PKLR: variants seen among roughly 807,000 people sequenced by gnomAD.
PKLR encodes pyruvate kinase PKLR.
A neutral mutation model predicts 53.6 loss-of-function variants in PKLR; 38 were observed. The observed-to-expected ratio is 0.71, with a 90% confidence interval of 0.55 to 0.93. The LOEUF is 0.93. PKLR is among the 40% of genes least tolerant of loss of function. The pLI, the probability that PKLR is intolerant of heterozygous loss-of-function variation, is 0.00. For synonymous variants in PKLR, 328 were observed against 316.2 expected, an observed-to-expected ratio of 1.04 and a Z score of -0.39; for missense variants, 702 against 787.3, an observed-to-expected ratio of 0.89 and a Z score of 1.30.
chr1:155,300,274 G>T lies in PKLR; in HGVS notation c.107C>A (p.Ala36Glu). 1 of 1,589,034 alleles carries T rather than the reference G, an allele frequency of 6.3e-7. No individual in the cohort carries two copies. The highest frequency in any genetic ancestry group is 8.6e-7 in the Non-Finnish European group (1 of 1,168,022). ...SILIGAPGGP[A>E]GYLRRASVAQ... ...CACACTGGCCCGCCGCAGATACCCCGCTGGCCCTGTGGTAGAAGGGGGCTC... is the reference window on the plus strand; with the variant it reads ...CACACTGGCCCGCCGCAGATACCCCTCTGGCCCTGTGGTAGAAGGGGGCTC... Residue 36 changes from alanine to glutamate, a missense_variant, in exon 2 of 11, where the codon GCG becomes GAG. Transcript: ENST00000342741.
At chr1:155,298,299 G>C (rs1314815675) in intron 2 of PKLR, among the ~76,000 whole-genome samples, 1 of 151,736 alleles carries the variant, frequency 6.6e-6, no homozygotes, top group African/African-American at 2.4e-5. Context: ...CTCCCAAAGT[G>C]CTGGGATTAC....
rs1557959906 is a variant in PKLR, at chr1:155,295,165, G to GC, written c.644dup (p.Arg216ProfsTer5). ...TGAGCCCGTCGTCAATGTAGATGCG[G>GC]CCCCCCACCGGCACGACCCGGACAA... On this transcript the variant is annotated frameshift_variant, in exon 5 of 11. Coordinates refer to ENST00000342741, the MANE Select transcript of PKLR (RefSeq NM_000298.6). LOFTEE classifies it high-confidence loss of function. The surrounding 1 kb of genome is among the most constrained non-coding windows in gnomAD (Gnocchi z 4.3). The GC allele has an allele frequency of 3.1e-6, 5 of 1,614,108 alleles. No homozygotes were observed. In the African/African-American group the frequency reaches 6.7e-5, roughly 22 times the overall value.
rs118204085 is a variant in PKLR at position 155,293,177 on chromosome 1, C to T, written c.1436G>A (p.Arg479His). 96 of 1,614,012 alleles carry T rather than the reference C, an allele frequency of 5.9e-5. No homozygotes were observed. Among genetic ancestry groups the T allele is most frequent in the Admixed American group, 8.3e-5 (5 of 60,004 alleles). ...AAIIVLTTTG[R>H]SAQLLSRYRP... ...TGGACATTCCCAATATCCCCCTCAC[C>T]GGCCAGTTGTGGTCAGCACAATGAT... Residue 479 changes from arginine to histidine, a missense_variant and splice_region_variant, in exon 9 of 11, where the codon CGC becomes CAC. By Grantham distance (29) the Arg-to-His change is conservative (BLOSUM62 0). Coordinates refer to ENST00000342741, the MANE Select transcript of PKLR (RefSeq NM_000298.6). The surrounding 1 kb of genome is among the most constrained non-coding windows in gnomAD (Gnocchi z 4.2).
At position 155,293,101 on chromosome 1, in the gene PKLR, A is replaced by G; in HGVS notation, c.1436+76T>C. 1 of 1,500,628 alleles carries G rather than the reference A, an allele frequency of 6.7e-7. No individual in the cohort carries two copies. Among genetic ancestry groups the G allele is most frequent in the South Asian group, 1.1e-5 (1 of 88,816 alleles). 93.0% of individuals were successfully genotyped at this position (1,500,628 alleles called of 1,614,324 possible). A position where few individuals can be genotyped will look rare whatever the true frequency, so the allele number is the denominator to read the frequency against. On this transcript the variant is annotated intron_variant, in intron 9 of 10. Coordinates refer to ENST00000342741, the MANE Select transcript of PKLR (RefSeq NM_000298.6). This position sits in a 1 kb window ranked among gnomAD's most constrained non-coding sequence, Gnocchi z 4.2. The stretch of plus-strand genomic sequence containing the variant: ...ACTCTTCACCCCTGGTGACCAGACT[A>G]AACCCAAGCCTGGGGCCCGTCCCAG...
At chr1:155,296,917 TG>T (rs1647632946) in intron 2 of PKLR, among the ~76,000 whole-genome samples, 1 of 152,152 alleles carries the variant, frequency 6.6e-6, no homozygotes, top group African/African-American at 2.4e-5. Flanking sequence ...TCTGTGTTTT[TG>T]CTCCATGTAA....
At chr1:155,306,836 G>A in the PKLR span, among the ~76,000 whole-genome samples, 60 of 152,310 alleles carry the variant, frequency 3.9e-4, no homozygotes, top group Admixed American at 1.8e-3. This position sits in a 1 kb window ranked among gnomAD's most constrained non-coding sequence, Gnocchi z 4.2. Flanking sequence ...ATGTTCAGAT[G>A]TGTTCGGAGT....
chr1:155,306,816 G>T, the PKLR span, among the ~76,000 whole-genome samples: 1 of 152,192 alleles, frequency 6.6e-6, no homozygotes, highest in South Asian at 2.1e-4. This position sits in a 1 kb window ranked among gnomAD's most constrained non-coding sequence, Gnocchi z 4.2. Flanking sequence ...TCCGGAGTTT[G>T]TTCCTTCTGA....
chr1:155,306,173 C>T (rs1261838587), upstream of PKLR, among the ~76,000 whole-genome samples: 2 of 152,194 alleles, frequency 1.3e-5, no homozygotes, highest in South Asian at 2.1e-4. This position sits in a 1 kb window ranked among gnomAD's most constrained non-coding sequence, Gnocchi z 4.2. Context: ...CACTTTGTCA[C>T]AGGATCATCC....
At chr1:155,294,971 C>G (rs1329310934) in intron 5 of PKLR, 145 bp downstream of exon 5, 1 of 1,075,306 alleles carries the variant, frequency 9.3e-7, no homozygotes, top group Non-Finnish European at 1.4e-6. Context: ...AGCGCAGAGT[C>G]TACACGCTGG....
At chr1:155,301,033 C>G (rs923827282) in intron 1 of PKLR, 15 of 1,545,668 alleles carry the variant, frequency 9.7e-6, no homozygotes, top group African/African-American at 1.4e-5. Flanking sequence ...ATTGGAAGCC[C>G]TGTATGCCAG....
chr1:155,305,796 A>ATTT (rs35024216), upstream of PKLR, among the ~76,000 whole-genome samples: 8 of 133,302 alleles, frequency 6.0e-5, no homozygotes, highest in African/African-American at 8.5e-5. Flanking sequence ...TGCCCAGCTA[A>ATTT]TTTTTTTTTT....
intron 2 of PKLR, among the ~76,000 whole-genome samples, chr1:155,298,250 G>A (rs967248431): frequency 5.3e-5 from 8 of 151,718 alleles, no homozygotes; most frequent in Non-Finnish European, 7.4e-5. Context: ...TGGCCAGGAT[G>A]GTATCGATCT....
At chr1:155,299,022 CT>C (rs1557963314) in intron 2 of PKLR, among the ~76,000 whole-genome samples, 1 of 97,024 alleles carries the variant, frequency 1.0e-5, no homozygotes, top group Non-Finnish European at 2.0e-5. Flanking sequence ...TTCTTTCTTT[CT>C]TTCTTTCTTT....
At chr1:155,299,491 C>CTTTTTTTTTTTTTTTTTTTTTTTT (rs35869567) in intron 2 of PKLR, among the ~76,000 whole-genome samples, 2 of 42,760 alleles carry the variant, frequency 4.7e-5, no homozygotes, top group African/African-American at 1.0e-4. Flanking sequence ...GCCCAGCCCA[C>CTTTTTTTTTTTTTTTTTTTTTTTT]TTTTTTTTTT....
In PKLR at chr1:155,290,287, T is replaced by C; in HGVS notation, c.*285A>G. 2.0e-6 allele frequency: 1 copy of C among 488,098 alleles called. No homozygotes were observed. The highest frequency in any genetic ancestry group is 3.7e-6 in the Non-Finnish European group (1 of 267,450). The allele number at this position is 488,098 out of a possible 1,614,324, so 30.2% of individuals were successfully genotyped here. On this transcript the variant is annotated 3_prime_UTR_variant, in exon 11 of 11. Transcript: ENST00000342741. The stretch of plus-strand genomic sequence containing the variant: ...AGACTCAAGGCATCTTAGGGCCTGC[T>C]GAGCAGATTGGATGCAGGGAATGTA...
chr1:155,289,331 A>G lies in PKLR; in HGVS notation c.*1241T>C, dbSNP rs910485501. 1 of 152,000 alleles carries G rather than the reference A, an allele frequency of 6.6e-6. No homozygotes were observed. Among genetic ancestry groups the G allele is most frequent in the South Asian group, 2.1e-4 (1 of 4,814 alleles). The allele number at this position is 152,000 out of a possible 1,614,324, so 9.4% of individuals were successfully genotyped here. A position where few individuals can be genotyped will look rare whatever the true frequency, so the allele number is the denominator to read the frequency against. On this transcript the variant is annotated 3_prime_UTR_variant, in exon 11 of 11. Coordinates refer to ENST00000342741, the MANE Select transcript of PKLR (RefSeq NM_000298.6). ...TTGTATTTATTCATTTACTAACTTT[A>G]TGTGTTACCAATTAATTTTGTTTAC...
upstream of PKLR, among the ~76,000 whole-genome samples, chr1:155,305,196 G>A (rs1008715746): frequency 6.6e-6 from 1 of 152,166 alleles, no homozygotes; most frequent in African/African-American, 2.4e-5. Flanking sequence ...CCATTCCTTT[G>A]TATAATCCTG....
the PKLR span, chr1:155,308,650 C>T: frequency 1.1e-4 from 106 of 985,464 alleles, no homozygotes; most frequent in East Asian, 9.6e-3. Context: ...GCTTCCGGCA[C>T]TGACGCCTCC....
chr1:155,306,316 A>G (rs1248980005), upstream of PKLR, among the ~76,000 whole-genome samples: 3 of 152,208 alleles, frequency 2.0e-5, no homozygotes, highest in African/African-American at 4.8e-5. The surrounding 1 kb of genome is among the most constrained non-coding windows in gnomAD (Gnocchi z 4.2). Context: ...ATGCACAGAC[A>G]CAAACGCAGG....
Sources: allele counts gnomAD v4.1 joint callset (sites outside exome capture counted in the v4.1 genomes callset), GRCh38; gene constraint gnomAD v4.1.1; non-coding constraint Gnocchi (gnomAD v3.1); transcripts MANE v1.5; gene names NCBI Gene and HGNC (gene_info 2026-07-23, HGNC 2026-07-21).